Variants in FAHD1 observed in about 807,000 individuals in gnomAD.
The protein encoded by FAHD1 is FAH domain containing oxaloacetate decarboxylase 1, also known as oxaloacetate tautomerase FAHD1, mitochondrial.
Under a neutral mutation model 12.7 loss-of-function variants are expected in FAHD1, and 14 were observed. That is an observed-to-expected ratio of 1.10 (90% CI 0.73 to 1.72). The LOEUF (loss-of-function observed/expected upper bound fraction) is 1.72. Among genes scored for constraint, FAHD1 ranks in the 40% most tolerant of loss-of-function variants. The pLI, the probability that FAHD1 is intolerant of heterozygous loss-of-function variation, is 0.00. For synonymous variants in FAHD1, 153 were observed against 124.9 expected, an observed-to-expected ratio of 1.22 and a Z score of -1.50; for missense variants, 351 against 298.9, an observed-to-expected ratio of 1.17 and a Z score of -1.29.
At chr16:1,834,416 CT>C in intron 1 of FAHD1, 1 of 982,176 alleles carries the variant, frequency 1.0e-6, no homozygotes, top group Non-Finnish European at 1.6e-6. Flanking sequence ...TTAAAATCCC[CT>C]TGTATATCAA....
downstream of FAHD1, among the ~76,000 whole-genome samples, chr16:1,833,554 CTTTTT>C (rs769668788): frequency 8.7e-6 from 1 of 114,286 alleles, no homozygotes; most frequent in Non-Finnish European, 1.7e-5. Context: ...TTTAGAGGTA[CTTTTT>C]TTTTTTTTTT....
chr16:1,837,234 G>A (rs548831696), intron 1 of FAHD1, among the ~76,000 whole-genome samples: 2 of 152,152 alleles, frequency 1.3e-5, no homozygotes, highest in African/African-American at 4.8e-5. Context: ...ACAGGCTGAG[G>A]TGTGGTGGGA....
exon 3 of FAHD1, chr16:1,839,621 T>G: frequency 1.9e-6 from 1 of 539,066 alleles, no homozygotes; most frequent in East Asian, 3.3e-5. Context: ...TACGCAGCCA[T>G]TCTCAGGAGT....
intron 1 of FAHD1, chr16:1,834,264 G>A: frequency 6.3e-7 from 1 of 1,590,312 alleles, no homozygotes. Context: ...TTTTAAACAT[G>A]TTTTTGTCCA....
At chr16:1,839,782 T>G (rs1275988331) in exon 3 of FAHD1, 2 of 240,522 alleles carry the variant, frequency 8.3e-6, no homozygotes, top group Non-Finnish European at 1.6e-5. Context: ...AGCAGCAGAG[T>G]GCACGCCTCA....
intron 1 of FAHD1, among the ~76,000 whole-genome samples, chr16:1,837,056 A>T (rs1381991192): frequency 6.6e-6 from 1 of 152,102 alleles, no homozygotes; most frequent in Admixed American, 6.5e-5. Flanking sequence ...TCTCATCTGC[A>T]ATAGGGGAGT....
At chr16:1,834,642 T>C (rs567913143) in intron 1 of FAHD1, among the ~76,000 whole-genome samples, 2 of 152,362 alleles carry the variant, frequency 1.3e-5, no homozygotes, top group East Asian at 3.9e-4. Context: ...AAAAGTCTAA[T>C]GTGGCCGGGT....
intron 1 of FAHD1, among the ~76,000 whole-genome samples, chr16:1,836,622 G>T (rs1186122563): frequency 6.6e-6 from 1 of 151,860 alleles, no homozygotes; most frequent in Non-Finnish European, 1.5e-5. Context: ...GGCCACTGGA[G>T]ACTCCATGTC....
At chr16:1,837,850 C>A in intron 1 of FAHD1, 1 of 1,531,758 alleles carries the variant, frequency 6.5e-7, no homozygotes, top group South Asian at 1.3e-5. Flanking sequence ...GTTCATCTGT[C>A]ATTGCAAGAA....
At chr16:1,838,831 A>G (rs570510463) in intron 2 of FAHD1, among the ~76,000 whole-genome samples, 65 of 152,254 alleles carry the variant, frequency 4.3e-4, no homozygotes, top group Non-Finnish European at 7.6e-4. Flanking sequence ...AGCTAGGATT[A>G]CAAGTGCACG....
chr16:1,839,300 G>C, exon 3 of FAHD1: 1 of 1,613,992 alleles, frequency 6.2e-7, no homozygotes. Context: ...TGAGACTACA[G>C]GAATGAAGGG....
chr16:1,827,685 C>G (rs1596952280), exon 1 of FAHD1: 1 of 1,614,114 alleles, frequency 6.2e-7, no homozygotes, highest in African/African-American at 1.3e-5. Flanking sequence ...GGCTCAAGGT[C>G]AACGGCGAAC....
At chr16:1,836,522 G>A (rs1406076859) in intron 1 of FAHD1, among the ~76,000 whole-genome samples, 3 of 147,232 alleles carry the variant, frequency 2.0e-5, no homozygotes, top group African/African-American at 4.9e-5. Context: ...CATGCTAACT[G>A]TTGAAGAGAT....
At chr16:1,837,554 A>G (rs1596961701) in intron 1 of FAHD1, 1 of 316,974 alleles carries the variant, frequency 3.2e-6, no homozygotes, top group East Asian at 5.4e-5. Flanking sequence ...ACCTTAAAGG[A>G]TATTTTCTTT....
At chr16:1,838,105 T>C in exon 2 of FAHD1, 1 of 645,020 alleles carries the variant, frequency 1.6e-6, no homozygotes, top group South Asian at 2.2e-5. Context: ...CAAGCAATCC[T>C]CCCTCAGCTT....
chr16:1,827,574 G>A (rs768645041), exon 1 of FAHD1: 55 of 1,613,448 alleles, frequency 3.4e-5, no homozygotes, highest in Non-Finnish European at 4.5e-5. Flanking sequence ...GCAAGAAGAA[G>A]GGGCTGCCCT....
chr16:1,839,626 A>C, exon 3 of FAHD1: 1 of 535,000 alleles, frequency 1.9e-6, no homozygotes, highest in Non-Finnish European at 3.2e-6. Flanking sequence ...AGCCATTCTC[A>C]GGAGTCATCT....
chr16:1,829,187 T>C (rs373345255), downstream of FAHD1, among the ~76,000 whole-genome samples: 6 of 152,158 alleles, frequency 3.9e-5, no homozygotes, highest in Admixed American at 6.5e-5. Context: ...GAGGAGTCCT[T>C]TGGGCTTCGG....
chr16:1,833,141 C>T (rs1406487195), downstream of FAHD1, among the ~76,000 whole-genome samples: 3 of 152,152 alleles, frequency 2.0e-5, no homozygotes, highest in African/African-American at 4.8e-5. Flanking sequence ...CTGGAGTCTG[C>T]GCCCTGAAGC....
Sources: gnomAD v4.1 joint callset for allele counts (sites outside exome capture counted in the v4.1 genomes callset) on GRCh38, gnomAD v4.1.1 for gene constraint, MANE v1.5 for transcripts, NCBI Gene and HGNC (gene_info 2026-07-23, HGNC 2026-07-21) for gene names.